The following ENPP3 variants were observed in gnomAD, a reference collection of about 807,000 sequenced individuals.
ENPP3 encodes ectonucleotide pyrophosphatase/phosphodiesterase family member 3.
ENPP3 carries 104 observed loss-of-function variants against 117.8 expected under a neutral mutation model. The ratio of observed to expected loss-of-function variants is 0.88; its 90% CI spans 0.75 to 1.04. The LOEUF (loss-of-function observed/expected upper bound fraction) is 1.04, where lower values mean the gene tolerates loss of function less well. Among genes scored for constraint, ENPP3 ranks in the 50% least tolerant of loss-of-function variants. The probability of loss-of-function intolerance (pLI) is 0.00; values close to 1 mark genes in which losing one functional copy is unlikely to be tolerated. For missense variants in ENPP3, 1,026 were observed against 1,051.9 expected, an observed-to-expected ratio of 0.98 and a Z score of 0.34; for synonymous variants, 380 against 349.9, an observed-to-expected ratio of 1.09 and a Z score of -0.96.
rs753973949 is a variant in ENPP3 at position 131,724,082 on chromosome 6, C to G, written c.1789C>G (p.Gln597Glu). ...EQVNQMLNLT[Q>E]EEITATVKVN... ...AGTGAATCAGATGCTAAATCTCACCCAAGAAGAAAGTAAGTCAATAGAAAA... is the reference window on the plus strand; with the variant it reads ...AGTGAATCAGATGCTAAATCTCACCGAAGAAGAAAGTAAGTCAATAGAAAA... Residue 597 changes from glutamine to glutamate, a missense_variant, in exon 19 of 25, where the codon CAA (glutamine) becomes GAA (glutamate). Gln to Glu is a conservative substitution (Grantham distance 29). Transcript: ENST00000357639. The G allele has an allele frequency of 6.2e-6, 10 of 1,608,418 alleles. No individual in the cohort carries two copies. In the Admixed American group the frequency reaches 1.7e-4, roughly 27 times the overall value.
At chr6:131,691,068 T>C (rs1161846953) in intron 14 of ENPP3, among the ~76,000 whole-genome samples, 1 of 152,078 alleles carries the variant, frequency 6.6e-6, no homozygotes, top group Non-Finnish European at 1.5e-5. Flanking sequence ...ATCACAGATA[T>C]GGACTGGACC....
rs1780473925 is a variant in ENPP3 at position 131,739,382 on chromosome 6, G to C, written c.2301-842G>C. Among the ~76,000 whole-genome samples, 3 of 152,264 alleles carry C rather than the reference G, an allele frequency of 2.0e-5. No homozygotes were observed. The South Asian group carries it at 6.2e-4, about 32-fold the overall frequency. ...TCTACACTGTGAAGTTGATAGCACAGAATCACTTCCTTGGAAAGCTGAGGA... is the reference window on the plus strand; with the variant it reads ...TCTACACTGTGAAGTTGATAGCACACAATCACTTCCTTGGAAAGCTGAGGA... On this transcript the variant is annotated intron_variant, in intron 23 of 24. Transcript: ENST00000357639.
At chr6:131,730,082 A>T (rs998415914) in intron 20 of ENPP3, among the ~76,000 whole-genome samples, 16 of 152,160 alleles carry the variant, frequency 1.1e-4, no homozygotes, top group African/African-American at 3.9e-4. Context: ...ATTTCCTTAC[A>T]TTATGGAAAA....
At chr6:131,655,418 C>T (rs1228609023) in intron 5 of ENPP3, among the ~76,000 whole-genome samples, 1 of 152,208 alleles carries the variant, frequency 6.6e-6, no homozygotes, top group African/African-American at 2.4e-5. Context: ...CCCAGTGCTG[C>T]ATTCCTAGTG....
chr6:131,691,419 TCTC>T (rs1779275923), intron 14 of ENPP3, among the ~76,000 whole-genome samples: 1 of 151,868 alleles, frequency 6.6e-6, no homozygotes, highest in Admixed American at 6.6e-5. Context: ...TGAAATATCT[TCTC>T]TACTAAAAAT....
intron 1 of ENPP3, among the ~76,000 whole-genome samples, chr6:131,638,880 C>A (rs923318389): frequency 6.7e-6 from 1 of 149,870 alleles, no homozygotes; most frequent in African/African-American, 2.5e-5. Context: ...CCAGGCTGGT[C>A]TTGAACCCTG....
At chr6:131,696,644 G>GT (rs1200541985) in intron 15 of ENPP3, among the ~76,000 whole-genome samples, 1 of 151,984 alleles carries the variant, frequency 6.6e-6, no homozygotes, top group Admixed American at 6.5e-5. Flanking sequence ...AAGGGGATTC[G>GT]TTTTTTGTGG....
intron 3 of ENPP3, among the ~76,000 whole-genome samples, chr6:131,650,741 C>A (rs529809123): frequency 8.9e-4 from 136 of 152,266 alleles, no homozygotes; most frequent in Non-Finnish European, 1.7e-3. Context: ...TGGCTGCTGG[C>A]AATCTTTGGC....
At chr6:131,700,579 G>C in intron 15 of ENPP3, 1 of 1,468,482 alleles carries the variant, frequency 6.8e-7, no homozygotes, top group South Asian at 1.2e-5. Context: ...CTGTGAAACA[G>C]CAGGAGATAT....
At chr6:131,693,290 T>C (rs1779329640) in intron 14 of ENPP3, among the ~76,000 whole-genome samples, 1 of 151,270 alleles carries the variant, frequency 6.6e-6, no homozygotes, top group African/African-American at 2.4e-5. Context: ...AGATTTTTAA[T>C]TGCAACCTGA....
At chr6:131,716,930 C>T (rs1165767103) in intron 15 of ENPP3, among the ~76,000 whole-genome samples, 2 of 151,488 alleles carry the variant, frequency 1.3e-5, no homozygotes, top group Admixed American at 1.3e-4. Context: ...AAGATCACGC[C>T]ACTTCACTCC....
chr6:131,718,021 G>A (rs1779935545), intron 15 of ENPP3, among the ~76,000 whole-genome samples: 1 of 152,112 alleles, frequency 6.6e-6, no homozygotes. Flanking sequence ...TACCATCCAG[G>A]CTTGTGTAAG....
chr6:131,731,083 C>T (rs1360162996), intron 20 of ENPP3, among the ~76,000 whole-genome samples: 2 of 152,082 alleles, frequency 1.3e-5, no homozygotes, highest in Non-Finnish European at 2.9e-5. Flanking sequence ...TTTTGAAATC[C>T]CAAGAGCTCT....
At chr6:131,736,071 C>G (rs1222790027) in intron 21 of ENPP3, among the ~76,000 whole-genome samples, 1 of 152,192 alleles carries the variant, frequency 6.6e-6, no homozygotes, top group Non-Finnish European at 1.5e-5. Context: ...GAGATAGATG[C>G]CATGAGACAA....
At chr6:131,689,997 G>T (rs1405597325) in intron 14 of ENPP3, among the ~76,000 whole-genome samples, 1 of 152,192 alleles carries the variant, frequency 6.6e-6, no homozygotes, top group Non-Finnish European at 1.5e-5. Flanking sequence ...TGACTGAGTT[G>T]CTGCAATCTC....
Position 131,654,681 on chromosome 6 carries a change from G to A in ENPP3, c.464+1790G>A, listed in dbSNP as rs1369260246. 2.0e-5 allele frequency among the ~76,000 whole-genome samples: 3 copies of A among 151,832 alleles called. No homozygotes were observed. The East Asian group carries it at 5.8e-4, about 29-fold the overall frequency. On this transcript the variant is annotated intron_variant, in intron 5 of 24. Transcript: ENST00000357639. The stretch of plus-strand genomic sequence containing the variant: ...TGGTCTCGAACTTCTGGGCTCAAGT[G>A]ATCCTGCCATCTTGGCCTCCCAAAG...
At chr6:131,644,925 G>A (rs1378079160) in intron 2 of ENPP3, among the ~76,000 whole-genome samples, 1 of 152,144 alleles carries the variant, frequency 6.6e-6, no homozygotes, top group East Asian at 1.9e-4. Flanking sequence ...TTTTATAAGG[G>A]GAGAGTGTAT....
chr6:131,674,044 C>T (rs1204773719), intron 7 of ENPP3, 118 bp from the exon 8 acceptor site: 1 of 612,246 alleles, frequency 1.6e-6, no homozygotes, highest in Non-Finnish European at 2.8e-6. Context: ...AGGTGTTTTA[C>T]ATTGAAAGGT....
intron 15 of ENPP3, chr6:131,709,837 T>G: frequency 3.1e-6 from 5 of 1,604,934 alleles, no homozygotes; most frequent in Non-Finnish European, 4.2e-6. Flanking sequence ...TTTCATTTCA[T>G]TTTCTTGATA....
Sources: allele counts gnomAD v4.1 joint callset (sites outside exome capture counted in the v4.1 genomes callset), GRCh38; gene constraint gnomAD v4.1.1; transcripts MANE v1.5; gene names NCBI Gene and HGNC (gene_info 2026-07-23, HGNC 2026-07-21).